Variants in NDST4 observed in about 807,000 individuals in gnomAD.
NDST4 encodes the protein N-deacetylase and N-sulfotransferase 4, also known as N-heparan sulfate sulfotransferase 4.
A neutral mutation model predicts 100.8 loss-of-function variants in NDST4; 63 were observed. That is an observed-to-expected ratio of 0.62 (90% CI 0.51 to 0.77). The LOEUF (loss-of-function observed/expected upper bound fraction) is 0.77. Among genes scored for constraint, NDST4 ranks in the 30% least tolerant of loss-of-function variants. NDST4 has a pLI of 0.00. For missense variants in NDST4, 943 were observed against 1,018.4 expected (o/e 0.93, Z 1.01); for synonymous variants, 377 against 361.8 (o/e 1.04, Z -0.48).
chr4:115,099,346 C>G (rs1414746120), intron 1 of NDST4, among the ~76,000 whole-genome samples: 2 of 151,574 alleles, frequency 1.3e-5, no homozygotes, highest in Non-Finnish European at 2.9e-5. Flanking sequence ...AACTTTTGCT[C>G]GGTGGCAGAC....
chr4:114,977,916 T>C (rs1726674630), intron 2 of NDST4, among the ~76,000 whole-genome samples: 1 of 151,994 alleles, frequency 6.6e-6, no homozygotes, highest in South Asian at 2.1e-4. Context: ...ATTTCCCTAG[T>C]TTCTAGATTT....
intron 6 of NDST4, among the ~76,000 whole-genome samples, chr4:114,876,940 G>A (rs1724266017): frequency 6.6e-6 from 1 of 152,140 alleles, no homozygotes; most frequent in Non-Finnish European, 1.5e-5. Flanking sequence ...AGGATCAAGG[G>A]TTTCAGGTGA....
At chr4:114,954,081 C>G (rs1726082376) in intron 4 of NDST4, among the ~76,000 whole-genome samples, 1 of 152,130 alleles carries the variant, frequency 6.6e-6, no homozygotes, top group South Asian at 2.1e-4. Flanking sequence ...TAACTATATT[C>G]AAGATCATTC....
At chr4:114,929,073 C>T (rs967047792) in intron 6 of NDST4, among the ~76,000 whole-genome samples, 1 of 107,440 alleles carries the variant, frequency 9.3e-6, no homozygotes, top group Non-Finnish European at 2.3e-5. Context: ...TCCGTCCGTC[C>T]GTCCATCCAT....
At chr4:115,070,874 G>T (rs1408821851) in intron 2 of NDST4, among the ~76,000 whole-genome samples, 1 of 152,142 alleles carries the variant, frequency 6.6e-6, no homozygotes, top group African/African-American at 2.4e-5. Context: ...GGAGACCGAG[G>T]TGGGTGAATC....
At chr4:115,028,979 A>T (rs77426665) in intron 2 of NDST4, among the ~76,000 whole-genome samples, 6,071 of 152,220 alleles carry the variant, frequency 0.04, 420 homozygotes, top group African/African-American at 0.14. Flanking sequence ...TACTGCTCCA[A>T]AACTAAGGTG....
At chr4:114,959,356 T>A (rs151218831) in intron 4 of NDST4, among the ~76,000 whole-genome samples, 52 of 151,492 alleles carry the variant, frequency 3.4e-4, no homozygotes, top group African/African-American at 1.2e-3. Context: ...ATTTTCATAC[T>A]GCTATGAAAA....
intron 1 of NDST4, among the ~76,000 whole-genome samples, chr4:115,108,541 C>A (rs1246760318): frequency 1.3e-5 from 2 of 151,506 alleles, no homozygotes. Flanking sequence ...TTTAAAATTT[C>A]TAAGGAAAAA....
intron 3 of NDST4, among the ~76,000 whole-genome samples, chr4:114,972,201 T>A (rs1049102485): frequency 7.9e-5 from 12 of 152,058 alleles, no homozygotes; most frequent in African/African-American, 2.7e-4. Context: ...AATAAATGAA[T>A]AATTTAATTT....
chr4:114,980,320 C>T (rs1560841627), intron 2 of NDST4, among the ~76,000 whole-genome samples: 3 of 152,222 alleles, frequency 2.0e-5, no homozygotes, highest in African/African-American at 2.4e-5. Context: ...CTGAATATTT[C>T]GTGCGGAAAC....
At chr4:115,006,319 A>C (rs985683093) in intron 2 of NDST4, among the ~76,000 whole-genome samples, 2 of 152,066 alleles carry the variant, frequency 1.3e-5, no homozygotes, top group African/African-American at 4.8e-5. Context: ...AATATCTTTA[A>C]TCAGGGGAAT....
chr4:115,100,667 A>C (rs1486477342), intron 1 of NDST4, among the ~76,000 whole-genome samples: 1 of 152,112 alleles, frequency 6.6e-6, no homozygotes, highest in Non-Finnish European at 1.5e-5. Flanking sequence ...ATAACATTAA[A>C]TAGTCTGATT....
intron 6 of NDST4, among the ~76,000 whole-genome samples, chr4:114,888,527 T>G (rs1724526931): frequency 6.6e-6 from 1 of 152,188 alleles, no homozygotes; most frequent in Non-Finnish European, 1.5e-5. Flanking sequence ...AATGCTCATT[T>G]AACGAATGAA....
chr4:114,852,987 T>C (rs894183254), intron 7 of NDST4, among the ~76,000 whole-genome samples, 166 bp from the exon 8 acceptor site: 6 of 152,180 alleles, frequency 3.9e-5, no homozygotes, highest in Admixed American at 6.5e-5. Context: ...ATAAAGTTAT[T>C]GACACCTTCC....
chr4:114,923,712 T>C (rs1725332506), intron 6 of NDST4, among the ~76,000 whole-genome samples: 1 of 152,064 alleles, frequency 6.6e-6, no homozygotes, highest in African/African-American at 2.4e-5. Flanking sequence ...TACTTACATA[T>C]TGCATGCCCC....
chr4:115,070,670 T>G (rs956063002), intron 2 of NDST4, among the ~76,000 whole-genome samples: 2 of 152,154 alleles, frequency 1.3e-5, no homozygotes, highest in East Asian at 3.8e-4. Context: ...TTGATTTTTA[T>G]CTCAGTAGCA....
intron 2 of NDST4, among the ~76,000 whole-genome samples, chr4:115,064,457 AG>A (rs1728889899): frequency 6.6e-6 from 1 of 152,056 alleles, no homozygotes; most frequent in African/African-American, 2.4e-5. Context: ...TACATCTCAC[AG>A]TGATGGTAGG....
intron 2 of NDST4, among the ~76,000 whole-genome samples, chr4:114,991,495 T>C (rs1481403262): frequency 2.0e-5 from 3 of 152,012 alleles, no homozygotes; most frequent in African/African-American, 7.2e-5. Context: ...TTTAATAACA[T>C]AAAGGGTATG....
At chr4:114,885,312 A>T (rs1009339892) in intron 6 of NDST4, among the ~76,000 whole-genome samples, 16 of 152,130 alleles carry the variant, frequency 1.1e-4, no homozygotes, top group African/African-American at 3.9e-4. Flanking sequence ...ACAGTCTACC[A>T]TTACAGATTA....
Sources: gnomAD v4.1 joint callset for allele counts (sites outside exome capture counted in the v4.1 genomes callset) on GRCh38, gnomAD v4.1.1 for gene constraint, MANE v1.5 for transcripts, NCBI Gene and HGNC (gene_info 2026-07-23, HGNC 2026-07-21) for gene names.